Variants in CNTN6 observed in about 807,000 individuals in gnomAD.
CNTN6 encodes the protein contactin-6.
CNTN6 carries 137 observed loss-of-function variants against 122.8 expected under a neutral mutation model. That is an observed-to-expected ratio of 1.12 (90% CI 0.97 to 1.29). The LOEUF is 1.29. Among genes scored for constraint, CNTN6 ranks in the 50% most tolerant of loss-of-function variants. The pLI is 0.00. For missense variants in CNTN6, 1,634 were observed against 1,223.4 expected (o/e 1.34, Z -5.01); for synonymous variants, 570 against 426.0 (o/e 1.34, Z -4.16).
intron 1 of CNTN6, among the ~76,000 whole-genome samples, chr3:1,142,912 A>G (rs1275078606): frequency 6.6e-6 from 1 of 150,694 alleles, no homozygotes; most frequent in Non-Finnish European, 1.5e-5. Context: ...GCATGCATAT[A>G]CATATTATAG....
chr3:1,312,003 G>A (rs116097449), intron 7 of CNTN6, among the ~76,000 whole-genome samples: 2,060 of 151,826 alleles, frequency 0.014, 57 homozygotes, highest in African/African-American at 0.047. Context: ...TTTTGCTTAC[G>A]TTCATGTAAA....
chr3:1,288,918 A>G (rs1047550803), intron 5 of CNTN6, among the ~76,000 whole-genome samples: 4 of 152,142 alleles, frequency 2.6e-5, no homozygotes, highest in East Asian at 3.9e-4. Flanking sequence ...GCCATTTCTA[A>G]TAATAATAAA....
At chr3:1,243,093 C>G (rs1220841146) in intron 4 of CNTN6, among the ~76,000 whole-genome samples, 2 of 152,178 alleles carry the variant, frequency 1.3e-5, no homozygotes, top group African/African-American at 4.8e-5. Flanking sequence ...CCGAGAAGAT[C>G]TGGGAAGGAG....
intron 3 of CNTN6, 48 bp from the exon 4 acceptor site, chr3:1,227,770 T>C: frequency 4.5e-6 from 7 of 1,566,396 alleles, no homozygotes; most frequent in Non-Finnish European, 6.1e-6. Flanking sequence ...AGACAAAGAT[T>C]GATTGACTCT....
chr3:1,093,511 G>C (rs2090348882), intron 1 of CNTN6, among the ~76,000 whole-genome samples: 1 of 151,492 alleles, frequency 6.6e-6, no homozygotes, highest in African/African-American at 2.4e-5. Context: ...AAATGTGATC[G>C]CTAAATGTTT....
intron 13 of CNTN6, 136 bp downstream of exon 13, chr3:1,372,610 T>G (rs899753258): frequency 2.4e-6 from 2 of 836,604 alleles, no homozygotes; most frequent in East Asian, 2.7e-5. Flanking sequence ...CATTTGTTTT[T>G]GTTTTGGTTT....
chr3:1,236,522 G>A (rs2094424130), intron 4 of CNTN6, among the ~76,000 whole-genome samples: 1 of 152,136 alleles, frequency 6.6e-6, no homozygotes, highest in Non-Finnish European at 1.5e-5. Flanking sequence ...CCCATTCCTA[G>A]GGGAAGCGGG....
At chr3:1,371,757 T>G (rs1709047571) in intron 12 of CNTN6, among the ~76,000 whole-genome samples, 1 of 152,188 alleles carries the variant, frequency 6.6e-6, no homozygotes, top group Non-Finnish European at 1.5e-5. Flanking sequence ...AACTTCCATC[T>G]TCCCTATTCA....
chr3:1,318,895 C>G (rs963344014), intron 7 of CNTN6, among the ~76,000 whole-genome samples: 1 of 151,678 alleles, frequency 6.6e-6, no homozygotes, highest in South Asian at 2.1e-4. Flanking sequence ...GTACAAAGTA[C>G]ATAGGAATCT....
At chr3:1,233,571 A>T (rs1372305197) in intron 4 of CNTN6, among the ~76,000 whole-genome samples, 1 of 151,600 alleles carries the variant, frequency 6.6e-6, no homozygotes, top group Non-Finnish European at 1.5e-5. Flanking sequence ...ACGTCTCTAT[A>T]AAAAATACAA....
At chr3:1,389,888 A>G (rs1352847199) in intron 20 of CNTN6, among the ~76,000 whole-genome samples, 1 of 151,634 alleles carries the variant, frequency 6.6e-6, no homozygotes, top group Non-Finnish European at 1.5e-5. Context: ...CACCCAATAC[A>G]GGAGCACCCA....
At chr3:1,322,798 A>G (rs556539291) in intron 8 of CNTN6, among the ~76,000 whole-genome samples, 4 of 151,670 alleles carry the variant, frequency 2.6e-5, no homozygotes, top group African/African-American at 7.2e-5. Context: ...CCTGCAATGA[A>G]TACTACTATT....
At chr3:1,307,832 G>A (rs9844560) in intron 7 of CNTN6, among the ~76,000 whole-genome samples, 1 of 151,872 alleles carries the variant, frequency 6.6e-6, no homozygotes, top group South Asian at 2.1e-4. Flanking sequence ...AGAACATAAA[G>A]GTAAGGAACA....
rs554363213 is a variant in CNTN6 at position 1,385,528 on chromosome 3, G to A, written c.2518-83G>A. 7.5e-5 allele frequency: 83 copies of A among 1,104,668 alleles called. No homozygotes were observed. In the African/African-American group the frequency reaches 1.3e-3, roughly 17 times the overall value. The allele number at this position is 1,104,668 out of a possible 1,614,324, so 68.4% of individuals were successfully genotyped here. A position where few individuals can be genotyped will look rare whatever the true frequency, so the allele number is the denominator to read the frequency against. On this transcript the variant is annotated intron_variant, in intron 19 of 22. Coordinates refer to ENST00000446702, the MANE Select transcript of CNTN6 (RefSeq NM_001289080.2). ...CTGTCTTCTTCCCATATTCCTTGTG[G>A]TTGTGGTTGATAGTTGTTGGTAAAA...
chr3:1,262,068 T>C (rs1177018768), intron 4 of CNTN6, among the ~76,000 whole-genome samples: 8 of 152,188 alleles, frequency 5.3e-5, no homozygotes. Context: ...TTAATTATTA[T>C]ACTGAAGATG....
At chr3:1,193,987 A>AGCATGTGTTATCCTTATGCAG (rs1174188687) in intron 2 of CNTN6, among the ~76,000 whole-genome samples, 4 of 152,106 alleles carry the variant, frequency 2.6e-5, no homozygotes, top group Non-Finnish European at 5.9e-5. Flanking sequence ...TTTTCCCCAA[A>AGCATGTGTTATCCTTATGCAG]GCATGTGTTA....
At chr3:1,384,591 C>T (rs1412966485) in intron 19 of CNTN6, among the ~76,000 whole-genome samples, 1 of 151,254 alleles carries the variant, frequency 6.6e-6, no homozygotes, top group Non-Finnish European at 1.5e-5. Context: ...TTCAGTGATT[C>T]ACAAAATGGG....
At chr3:1,094,399 G>GTTTCTTTTTCTT (rs1229133230) in intron 1 of CNTN6, among the ~76,000 whole-genome samples, 9 of 152,116 alleles carry the variant, frequency 5.9e-5, no homozygotes, top group African/African-American at 2.2e-4. Flanking sequence ...TTTCAGTGGG[G>GTTTCTTTTTCTT]TTTCTTTTTC....
intron 5 of CNTN6, among the ~76,000 whole-genome samples, chr3:1,283,686 C>T (rs1045929213): frequency 2.0e-5 from 3 of 152,170 alleles, no homozygotes; most frequent in African/African-American, 7.2e-5. Context: ...AAAGAACACT[C>T]TTTCCCTTCA....
Sources: allele counts gnomAD v4.1 joint callset (sites outside exome capture counted in the v4.1 genomes callset), GRCh38; gene constraint gnomAD v4.1.1; transcripts MANE v1.5; gene names NCBI Gene and HGNC (gene_info 2026-07-23, HGNC 2026-07-21).